Variants in SLC30A7 observed in about 807,000 individuals in gnomAD.
The protein encoded by SLC30A7 is zinc transporter 7.
In SLC30A7, 35 loss-of-function variants were observed where a neutral mutation model predicts 46.0. The ratio of observed to expected loss-of-function variants is 0.76; its 90% CI spans 0.58 to 1.01. The LOEUF (loss-of-function observed/expected upper bound fraction) is 1.01. SLC30A7 is among the 50% of genes least tolerant of loss of function. SLC30A7 has a pLI of 0.00. For synonymous variants in SLC30A7, 147 were observed against 157.8 expected (o/e 0.93, Z 0.51); for missense variants, 464 against 451.1 (o/e 1.03, Z -0.26).
At chr1:100,944,004 C>A (rs1031816954) in intron 8 of SLC30A7, among the ~76,000 whole-genome samples, 1 of 152,104 alleles carries the variant, frequency 6.6e-6, no homozygotes, top group African/African-American at 2.4e-5. Context: ...GTTACCTTTT[C>A]GGCAGAGGAA....
the SLC30A7 span, chr1:100,992,637 C>T: frequency 6.2e-7 from 1 of 1,612,764 alleles, no homozygotes; most frequent in South Asian, 1.1e-5. Context: ...TCTTGAGTAC[C>T]TGGTTCTTCT....
chr1:100,941,863 A>G, intron 8 of SLC30A7: 1 of 458,936 alleles, frequency 2.2e-6, no homozygotes, highest in South Asian at 1.9e-5. Flanking sequence ...ATTACCACAC[A>G]CTCTGTGAGT....
chr1:100,916,743 C>T (rs926490072), intron 6 of SLC30A7, among the ~76,000 whole-genome samples: 2 of 131,038 alleles, frequency 1.5e-5, no homozygotes, highest in Non-Finnish European at 3.1e-5. Flanking sequence ...ATTAACCATC[C>T]TCACTCCTGC....
rs1301858306 is a variant in SLC30A7, at chr1:100,896,091, G to A, written c.-172G>A. 11 of 639,182 alleles carry A rather than the reference G, an allele frequency of 1.7e-5. No homozygotes were observed. The highest frequency in any genetic ancestry group is 3.1e-5 in the Non-Finnish European group (11 of 356,966). The allele number at this position is 639,182 out of a possible 1,614,324, so 39.6% of individuals were successfully genotyped here. A position where few individuals can be genotyped will look rare whatever the true frequency, so the allele number is the denominator to read the frequency against. On this transcript the variant is annotated 5_prime_UTR_variant, in exon 1 of 11. Transcript: ENST00000357650. The stretch of plus-strand genomic sequence containing the variant: ...AGGACGCGTTGCGCGGCCCGGGCCG[G>A]AAGTAAGCGAATTCCCGGGTGTGTG...
At chr1:100,946,310 C>A (rs986173202) in intron 8 of SLC30A7, among the ~76,000 whole-genome samples, 2 of 152,224 alleles carry the variant, frequency 1.3e-5, no homozygotes, top group Non-Finnish European at 2.9e-5. Flanking sequence ...CTGGCCAGAA[C>A]TTCCAACACT....
intron 6 of SLC30A7, among the ~76,000 whole-genome samples, chr1:100,915,641 G>A (rs34977823): frequency 0.11 from 16,460 of 152,096 alleles, 968 homozygotes; most frequent in Middle Eastern, 0.22. Context: ...ATGATATTCC[G>A]TTGTATGTAT....
chr1:100,961,151 C>T (rs539058274), intron 8 of SLC30A7, among the ~76,000 whole-genome samples: 12 of 150,998 alleles, frequency 7.9e-5, no homozygotes, highest in East Asian at 3.9e-4. Context: ...TTAGTGGAGA[C>T]GGGGTTTCAC....
Position 100,896,216 on chromosome 1 carries a change from G to A in SLC30A7, c.-47G>A. On this transcript the variant is annotated 5_prime_UTR_variant, in exon 1 of 11. Transcript: ENST00000357650. The stretch of plus-strand genomic sequence containing the variant: ...ACTGTCACTGCCATCACCCCACGGA[G>A]CCACTTCTAGAGGGGAGTAGACCCG... 1.3e-6 allele frequency: 2 copies of A among 1,568,806 alleles called. No homozygotes were observed. Among genetic ancestry groups the A allele is most frequent in the Non-Finnish European group, 1.8e-6 (2 of 1,138,970 alleles).
At chr1:100,946,233 C>T (rs1268472642) in intron 8 of SLC30A7, among the ~76,000 whole-genome samples, 1 of 152,206 alleles carries the variant, frequency 6.6e-6, no homozygotes, top group Non-Finnish European at 1.5e-5. Flanking sequence ...CATCTGCAAA[C>T]AGGGACAATT....
At chr1:100,928,443 C>T (rs1412519561) in intron 8 of SLC30A7, among the ~76,000 whole-genome samples, 1 of 151,246 alleles carries the variant, frequency 6.6e-6, no homozygotes, top group African/African-American at 2.4e-5. Context: ...AATGAAATTG[C>T]ATATTTAAAA....
chr1:100,961,114 C>A (rs2101084369), intron 8 of SLC30A7, among the ~76,000 whole-genome samples: 1 of 151,314 alleles, frequency 6.6e-6, no homozygotes, highest in African/African-American at 2.4e-5. Context: ...GCCACCATGC[C>A]CGGCTGATTT....
chr1:100,951,148 C>G (rs917253037), intron 8 of SLC30A7, among the ~76,000 whole-genome samples: 1 of 152,080 alleles, frequency 6.6e-6, no homozygotes, highest in Non-Finnish European at 1.5e-5. Flanking sequence ...ATATGCAAAG[C>G]AAGCTTTGGG....
At chr1:100,995,300 A>T in the SLC30A7 span, 1 of 534,406 alleles carries the variant, frequency 1.9e-6, no homozygotes, top group East Asian at 3.1e-5. Context: ...CATAGAGAAG[A>T]ATGGAAGCTT....
chr1:100,956,198 A>T (rs971459958), intron 8 of SLC30A7, among the ~76,000 whole-genome samples: 2 of 152,116 alleles, frequency 1.3e-5, no homozygotes, highest in Non-Finnish European at 2.9e-5. Flanking sequence ...CTAACATTTT[A>T]TTAAAATGTT....
At chr1:100,989,922 A>T in the SLC30A7 span, 1 of 154,524 alleles carries the variant, frequency 6.5e-6, no homozygotes. Flanking sequence ...CAAGAAACCA[A>T]GCATTGTTGA....
intron 8 of SLC30A7, among the ~76,000 whole-genome samples, chr1:100,924,380 T>C (rs1320298898): frequency 1.3e-5 from 2 of 152,176 alleles, no homozygotes; most frequent in African/African-American, 2.4e-5. Context: ...AATACTCTTA[T>C]ACTTCATGTC....
chr1:100,956,830 C>T (rs1354014779), intron 8 of SLC30A7, among the ~76,000 whole-genome samples: 1 of 152,054 alleles, frequency 6.6e-6, no homozygotes, highest in East Asian at 1.9e-4. Context: ...TTAAGAAAAC[C>T]ATTTACCAAA....
chr1:100,990,568 G>A, the SLC30A7 span: 6 of 1,614,076 alleles, frequency 3.7e-6, no homozygotes. Flanking sequence ...AGTGCCTGCT[G>A]CAATTTTCTG....
intron 7 of SLC30A7, among the ~76,000 whole-genome samples, chr1:100,920,911 A>G (rs1652892283): frequency 6.6e-6 from 1 of 152,068 alleles, no homozygotes; most frequent in South Asian, 2.1e-4. Flanking sequence ...ATTTTGTATT[A>G]AAGATCTAAA....
Sources: allele counts gnomAD v4.1 joint callset (sites outside exome capture counted in the v4.1 genomes callset), GRCh38; gene constraint gnomAD v4.1.1; transcripts MANE v1.5; gene names NCBI Gene and HGNC (gene_info 2026-07-23, HGNC 2026-07-21).